Variants in ANKIB1 observed in about 807,000 individuals in gnomAD.
The protein encoded by ANKIB1 is ankyrin repeat and IBR domain containing 1.
In ANKIB1, 43 loss-of-function variants were observed where a neutral mutation model predicts 122.1. The ratio of observed to expected loss-of-function variants is 0.35; its 90% CI spans 0.28 to 0.45. The LOEUF is 0.45. ANKIB1 is among the 20% of genes least tolerant of loss of function. The pLI is 1.00. For synonymous variants in ANKIB1, 390 were observed against 442.0 expected, an observed-to-expected ratio of 0.88 and a Z score of 1.48; for missense variants, 992 against 1,329.5, an observed-to-expected ratio of 0.75 and a Z score of 3.95.
intron 11 of ANKIB1, among the ~76,000 whole-genome samples, chr7:92,382,642 G>A (rs1177590724): frequency 1.3e-5 from 2 of 152,136 alleles, no homozygotes; most frequent in African/African-American, 2.4e-5. Context: ...AATGACTACT[G>A]GGTACATAAT....
At chr7:92,375,103 T>C (rs970624720) in intron 11 of ANKIB1, among the ~76,000 whole-genome samples, 3 of 152,180 alleles carry the variant, frequency 2.0e-5, no homozygotes, top group Non-Finnish European at 4.4e-5. Context: ...TTAAAGTACA[T>C]ACCTTAATTT....
chr7:92,395,167 G>A (rs961044452), intron 17 of ANKIB1, among the ~76,000 whole-genome samples: 1 of 152,014 alleles, frequency 6.6e-6, no homozygotes, highest in African/African-American at 2.4e-5. Context: ...TTATACCCAG[G>A]TAATAGCGAT....
intron 7 of ANKIB1, among the ~76,000 whole-genome samples, chr7:92,345,912 T>A (rs1468680433): frequency 6.6e-6 from 1 of 152,174 alleles, no homozygotes; most frequent in Admixed American, 6.5e-5. Context: ...TAAACAGCTT[T>A]GTTGAGGTAC....
chr7:92,353,364 A>C (rs1214493439), intron 9 of ANKIB1, among the ~76,000 whole-genome samples: 1 of 152,194 alleles, frequency 6.6e-6, no homozygotes, highest in Non-Finnish European at 1.5e-5. Flanking sequence ...TGTAACTCTG[A>C]ATACTCTTTT....
intron 1 of ANKIB1, among the ~76,000 whole-genome samples, chr7:92,289,654 C>T (rs1437294613): frequency 1.3e-5 from 2 of 152,204 alleles, no homozygotes; most frequent in Non-Finnish European, 2.9e-5. Context: ...GAAATCATCT[C>T]CTCAGGTGAT....
intron 15 of ANKIB1, 128 bp from the exon 16 acceptor site, chr7:92,391,038 T>C: frequency 1.6e-6 from 1 of 633,458 alleles, no homozygotes; most frequent in East Asian, 3.2e-5. Flanking sequence ...TAGGAAGTTA[T>C]TTCAAAATTT....
chr7:92,360,838 G>T (rs1014324445), intron 9 of ANKIB1, among the ~76,000 whole-genome samples: 1 of 149,746 alleles, frequency 6.7e-6, no homozygotes, highest in African/African-American at 2.4e-5. Context: ...GAGTCAGTTG[G>T]TGTGTCTTCT....
Position 92,281,096 on chromosome 7 carries a change from C to T in ANKIB1, c.-90-13793C>T, listed in dbSNP as rs538502222. Among the ~76,000 whole-genome samples the T allele has an allele frequency of 2.6e-5, 4 of 152,298 alleles. No individual in the cohort carries two copies. The South Asian group carries it at 8.3e-4, about 32-fold the overall frequency. On this transcript the variant is annotated intron_variant, in intron 1 of 19. Coordinates refer to ENST00000265742, the MANE Select transcript of ANKIB1 (RefSeq NM_019004.2). ...AGTGAAGCCCAGAGGAAGCCAAGCA[C>T]AAGCTTCCAAGAGTCTTCTTCCCAT... is the stretch of plus-strand genomic sequence containing the variant.
chr7:92,302,360 T>C (rs1031131098), intron 2 of ANKIB1, among the ~76,000 whole-genome samples: 1 of 152,254 alleles, frequency 6.6e-6, no homozygotes, highest in Non-Finnish European at 1.5e-5. Context: ...TTCCTTTAGC[T>C]ATATGGTATC....
At chr7:92,261,724 C>T (rs549260590) in intron 1 of ANKIB1, among the ~76,000 whole-genome samples, 3 of 152,214 alleles carry the variant, frequency 2.0e-5, no homozygotes, top group Admixed American at 6.5e-5. Context: ...TTAATAACTG[C>T]GTGAATTGGA....
intron 10 of ANKIB1, among the ~76,000 whole-genome samples, chr7:92,368,968 A>G (rs1006161629): frequency 6.6e-6 from 1 of 152,174 alleles, no homozygotes; most frequent in Non-Finnish European, 1.5e-5. Flanking sequence ...TTTGTGCTTT[A>G]TTTATTATAA....
intron 1 of ANKIB1, among the ~76,000 whole-genome samples, chr7:92,268,057 G>A (rs1404664468): frequency 6.6e-6 from 1 of 152,144 alleles, no homozygotes; most frequent in Non-Finnish European, 1.5e-5. Context: ...ACTATGAGGA[G>A]AGGAAAACAT....
intron 3 of ANKIB1, among the ~76,000 whole-genome samples, chr7:92,317,977 C>G (rs1464558664): frequency 6.6e-6 from 1 of 152,154 alleles, no homozygotes; most frequent in Non-Finnish European, 1.5e-5. Context: ...AGTCTACCTA[C>G]TTACGAGTCA....
At chr7:92,387,150 T>C (rs1333653646) in intron 12 of ANKIB1, among the ~76,000 whole-genome samples, 5 of 152,174 alleles carry the variant, frequency 3.3e-5, no homozygotes, top group African/African-American at 1.2e-4. Flanking sequence ...GAGAGACCTC[T>C]GGTGCCCCTT....
chr7:92,352,942 C>T (rs1230798802), intron 9 of ANKIB1, among the ~76,000 whole-genome samples: 9 of 152,156 alleles, frequency 5.9e-5, no homozygotes, highest in Admixed American at 5.9e-4. Context: ...CAGGGGTATA[C>T]AGCTAGGAAT....
intron 1 of ANKIB1, among the ~76,000 whole-genome samples, chr7:92,258,656 T>C (rs1801499154): frequency 6.6e-6 from 1 of 152,184 alleles, no homozygotes; most frequent in Admixed American, 6.5e-5. Context: ...ACTTAATTTT[T>C]TTAAAAAAAT....
chr7:92,297,349 C>T (rs1467510189), intron 2 of ANKIB1, among the ~76,000 whole-genome samples: 1 of 152,204 alleles, frequency 6.6e-6, no homozygotes, highest in African/African-American at 2.4e-5. Context: ...TACTTTGTCA[C>T]TCTGGACTGC....
rs531140980 is a variant in ANKIB1 at position 92,287,261 on chromosome 7, C to T, written c.-90-7628C>T. Among the ~76,000 whole-genome samples, 3 of 152,294 alleles carry T rather than the reference C, an allele frequency of 2.0e-5. No individual in the cohort carries two copies. In the East Asian group the frequency reaches 5.8e-4, roughly 29 times the overall value. On this transcript the variant is annotated intron_variant, in intron 1 of 19. Coordinates refer to ENST00000265742, the MANE Select transcript of ANKIB1 (RefSeq NM_019004.2). The stretch of plus-strand genomic sequence containing the variant: ...TCCATTAATGTCATTTTATCCATTT[C>T]AGAATCCAGTCTAGGGCCCTATATG...
chr7:92,268,101 A>G (rs563512786), intron 1 of ANKIB1, among the ~76,000 whole-genome samples: 22 of 152,326 alleles, frequency 1.4e-4, no homozygotes, highest in African/African-American at 5.1e-4. Flanking sequence ...TTTATGAGCT[A>G]AAGATGGGTC....
Sources: gnomAD v4.1 joint callset for allele counts (sites outside exome capture counted in the v4.1 genomes callset) on GRCh38, gnomAD v4.1.1 for gene constraint, MANE v1.5 for transcripts, NCBI Gene and HGNC (gene_info 2026-07-23, HGNC 2026-07-21) for gene names.